Variants in ST6GALNAC3 observed in about 807,000 individuals in gnomAD.
ST6GALNAC3 encodes the protein ST6 N-acetylgalactosaminide alpha-2,6-sialyltransferase 3.
A neutral mutation model predicts 32.7 loss-of-function variants in ST6GALNAC3; 25 were observed. The ratio of observed to expected loss-of-function variants is 0.76; its 90% confidence interval spans 0.56 to 1.07. ST6GALNAC3 has a LOEUF of 1.07. ST6GALNAC3 is among the 50% of genes least tolerant of loss of function. ST6GALNAC3 has a pLI of 0.00. For synonymous variants in ST6GALNAC3, 129 were observed against 133.1 expected, an observed-to-expected ratio of 0.97 and a Z score of 0.21; for missense variants, 355 against 382.4, an observed-to-expected ratio of 0.93 and a Z score of 0.60.
At chr1:76,367,534 G>A (rs938224818) in intron 2 of ST6GALNAC3, among the ~76,000 whole-genome samples, 3 of 151,990 alleles carry the variant, frequency 2.0e-5, no homozygotes, top group African/African-American at 7.3e-5. Flanking sequence ...ATTTTGAGTG[G>A]GGCAAAAGTT....
intron 3 of ST6GALNAC3, among the ~76,000 whole-genome samples, chr1:76,599,497 T>C (rs1046296963): frequency 6.7e-6 from 1 of 149,838 alleles, no homozygotes; most frequent in Non-Finnish European, 1.5e-5. Flanking sequence ...CCCGTGTCCA[T>C]GTGTTCTTAT....
At chr1:76,571,798 G>A (rs1665878180) in intron 3 of ST6GALNAC3, among the ~76,000 whole-genome samples, 1 of 151,874 alleles carries the variant, frequency 6.6e-6, no homozygotes, top group African/African-American at 2.4e-5. Flanking sequence ...GTACTATTGG[G>A]TTCCAATGGT....
intron 1 of ST6GALNAC3, among the ~76,000 whole-genome samples, chr1:76,296,932 C>G (rs1660438567): frequency 6.6e-6 from 1 of 151,936 alleles, no homozygotes; most frequent in Admixed American, 6.6e-5. Context: ...AACATCAAAT[C>G]TCTTTAGCCC....
chr1:76,185,518 CTT>C (rs2100481906), intron 1 of ST6GALNAC3, among the ~76,000 whole-genome samples: 1 of 152,276 alleles, frequency 6.6e-6, no homozygotes, highest in Non-Finnish European at 1.5e-5. Context: ...GGAAAGCACT[CTT>C]TGCTTTGTCT....
chr1:76,577,004 G>C (rs1646821056), intron 3 of ST6GALNAC3: 1 of 1,216,810 alleles, frequency 8.2e-7, no homozygotes, highest in Non-Finnish European at 1.0e-6. Context: ...CATGTCAGTG[G>C]TTCAAAGATT....
At chr1:76,189,806 T>C (rs1422210559) in intron 1 of ST6GALNAC3, among the ~76,000 whole-genome samples, 1 of 152,158 alleles carries the variant, frequency 6.6e-6, no homozygotes, top group African/African-American at 2.4e-5. Flanking sequence ...CCAGGTCTGC[T>C]GGTGAAGGGT....
At chr1:76,226,192 T>G (rs1656060008) in intron 1 of ST6GALNAC3, among the ~76,000 whole-genome samples, 1 of 152,186 alleles carries the variant, frequency 6.6e-6, no homozygotes, top group African/African-American at 2.4e-5. Flanking sequence ...GTAGAGGGTG[T>G]GAAATATTGA....
chr1:76,212,077 C>T (rs1006206614), intron 1 of ST6GALNAC3, among the ~76,000 whole-genome samples: 1 of 152,124 alleles, frequency 6.6e-6, no homozygotes, highest in Non-Finnish European at 1.5e-5. Flanking sequence ...TTAAGCATAT[C>T]CAGTAGATAT....
At chr1:76,180,416 C>T (rs1048947741) in intron 1 of ST6GALNAC3, among the ~76,000 whole-genome samples, 3 of 152,112 alleles carry the variant, frequency 2.0e-5, no homozygotes, top group Non-Finnish European at 4.4e-5. Context: ...TTGATGCCGA[C>T]GGGAGACAGG....
intron 3 of ST6GALNAC3, among the ~76,000 whole-genome samples, chr1:76,462,365 A>C (rs1180593170): frequency 6.6e-6 from 1 of 151,736 alleles, no homozygotes; most frequent in East Asian, 1.9e-4. Context: ...TTTTCCCTTT[A>C]CTTTGTTCAG....
At chr1:76,458,735 T>C (rs1229744191) in intron 3 of ST6GALNAC3, among the ~76,000 whole-genome samples, 3 of 75,922 alleles carry the variant, frequency 4.0e-5, no homozygotes, top group Non-Finnish European at 7.3e-5. Flanking sequence ...GGGACTGTTG[T>C]GGGGTGGGGG....
At chr1:76,319,914 G>A (rs145516476) in intron 2 of ST6GALNAC3, among the ~76,000 whole-genome samples, 201 of 152,144 alleles carry the variant, frequency 1.3e-3, no homozygotes, top group African/African-American at 4.6e-3. Flanking sequence ...TGTGTGTATT[G>A]GATTTGTCAT....
chr1:76,456,422 T>C (rs147914669), intron 3 of ST6GALNAC3, among the ~76,000 whole-genome samples: 199 of 152,158 alleles, frequency 1.3e-3, no homozygotes, highest in African/African-American at 4.3e-3. Context: ...TCTCGGCTCA[T>C]TGTGGCCTCC....
intron 3 of ST6GALNAC3, among the ~76,000 whole-genome samples, chr1:76,541,317 A>T (rs1663977097): frequency 6.6e-6 from 1 of 152,100 alleles, no homozygotes; most frequent in South Asian, 2.1e-4. Flanking sequence ...GAGAACAGTG[A>T]AGAGGGTATT....
Position 76,513,841 on chromosome 1 carries a change from G to A in ST6GALNAC3, c.623+101424G>A, listed in dbSNP as rs183529824. On this transcript the variant is annotated intron_variant, in intron 3 of 4. Coordinates refer to ENST00000328299, the MANE Select transcript of ST6GALNAC3 (RefSeq NM_152996.4). ...GTCTTCCTCTATTTCTTTCCTCAGC[G>A]TTTTATAGTTTTCAGTGTAGAGATC... is the stretch of plus-strand genomic sequence containing the variant. Among the ~76,000 whole-genome samples the A allele has an allele frequency of 2.9e-4, 44 of 151,866 alleles. 2 individuals carry two copies. The East Asian group carries it at 5.4e-3, about 19-fold the overall frequency.
intron 3 of ST6GALNAC3, among the ~76,000 whole-genome samples, chr1:76,455,377 A>G (rs1444098765): frequency 1.3e-5 from 2 of 152,130 alleles, no homozygotes; most frequent in Non-Finnish European, 2.9e-5. Context: ...AGATTTTGAA[A>G]TGTGTTTGAG....
intron 3 of ST6GALNAC3, 78 bp downstream of exon 3, chr1:76,412,495 A>G (rs1404991293): frequency 7.2e-7 from 1 of 1,393,172 alleles, no homozygotes; most frequent in East Asian, 2.4e-5. Flanking sequence ...TTTGCAGGAT[A>G]TAAAATGAAC....
At chr1:76,212,536 G>A (rs2100578055) in intron 1 of ST6GALNAC3, among the ~76,000 whole-genome samples, 1 of 152,242 alleles carries the variant, frequency 6.6e-6, no homozygotes. Context: ...CTGAAGAGGA[G>A]TTTGAAGCCT....
rs1557528868 is a variant in ST6GALNAC3 at position 76,525,797 on chromosome 1, A to ATATATATATACG, written c.624-101645_624-101644insCGTATATATATA. On this transcript the variant is annotated intron_variant, in intron 3 of 4. Coordinates refer to ENST00000328299, the MANE Select transcript of ST6GALNAC3 (RefSeq NM_152996.4). The stretch of plus-strand genomic sequence containing the variant: ...TGTGTGTGTGTGTGTGTGTGTATAT[A>ATATATATATACG]TATATATATATATATATATATATAT... Among the ~76,000 whole-genome samples, 152 of 55,110 alleles carry ATATATATATACG rather than the reference A, an allele frequency of 2.8e-3. 4 individuals carry two copies. Among genetic ancestry groups the ATATATATATACG allele is most frequent in the Non-Finnish European group, 4.0e-3 (127 of 31,696 alleles). 36.2% of individuals were successfully genotyped at this position (55,110 alleles called of 152,430 possible).
Sources: allele counts gnomAD v4.1 joint callset (sites outside exome capture counted in the v4.1 genomes callset), GRCh38; gene constraint gnomAD v4.1.1; transcripts MANE v1.5; gene names NCBI Gene and HGNC (gene_info 2026-07-23, HGNC 2026-07-21).